INPP4B: variants seen among roughly 807,000 people sequenced by gnomAD.
INPP4B encodes inositol polyphosphate 4-phosphatase type II.
In INPP4B, 55 loss-of-function variants were observed where a neutral mutation model predicts 122.5. The ratio of observed to expected loss-of-function variants is 0.45; its 90% CI spans 0.36 to 0.56. The LOEUF is 0.56. Among genes scored for constraint, INPP4B ranks in the 20% least tolerant of loss-of-function variants. The pLI is 0.00. For synonymous variants in INPP4B, 403 were observed against 388.7 expected, an observed-to-expected ratio of 1.04 and a Z score of -0.43; for missense variants, 1,000 against 1,097.7, an observed-to-expected ratio of 0.91 and a Z score of 1.26.
At chr4:142,481,848 G>A (rs1473124838) in intron 2 of INPP4B, among the ~76,000 whole-genome samples, 3 of 152,092 alleles carry the variant, frequency 2.0e-5, no homozygotes, top group Non-Finnish European at 2.9e-5. Flanking sequence ...ATTTCCCACC[G>A]AAATGTACCT....
At chr4:142,209,531 G>T (rs1057104399) in intron 12 of INPP4B, among the ~76,000 whole-genome samples, 12 of 151,730 alleles carry the variant, frequency 7.9e-5, no homozygotes, top group Non-Finnish European at 2.9e-5. Flanking sequence ...GGTGGCTCAC[G>T]CCTGTAATCC....
chr4:142,614,149 G>A (rs1167261684), intron 2 of INPP4B, among the ~76,000 whole-genome samples: 1 of 152,108 alleles, frequency 6.6e-6, no homozygotes, highest in Non-Finnish European at 1.5e-5. Context: ...CTTGAGGCTG[G>A]GAGGTGGAGT....
chr4:142,744,919 A>C (rs902017178), intron 1 of INPP4B, among the ~76,000 whole-genome samples: 1 of 151,780 alleles, frequency 6.6e-6, no homozygotes, highest in Non-Finnish European at 1.5e-5. Context: ...TCGTTTCACA[A>C]GGTAGAGTTT....
chr4:142,300,628 C>T (rs1760996376), intron 9 of INPP4B, among the ~76,000 whole-genome samples: 1 of 152,064 alleles, frequency 6.6e-6, no homozygotes. Flanking sequence ...TCCACATAAT[C>T]TATAATACAT....
At position 142,028,081 on chromosome 4, in the gene INPP4B, A is replaced by G. The variant is rs1303776349; in HGVS notation, c.*701T>C. 1 of 225,824 alleles carries G rather than the reference A, an allele frequency of 4.4e-6. No homozygotes were observed. The highest frequency in any genetic ancestry group is 8.8e-6 in the Non-Finnish European group (1 of 113,474). 14.0% of individuals were successfully genotyped at this position (225,824 alleles called of 1,614,324 possible). On this transcript the variant is annotated 3_prime_UTR_variant, in exon 26 of 26. Coordinates refer to ENST00000262992, the MANE Select transcript of INPP4B (RefSeq NM_001101669.3). ...TGCTTATCATTCTATTAAACGTTCT[A>G]TATTGCTACATTCACAGCTAGATCA...
At chr4:142,164,350 G>C (rs1821640947) in intron 16 of INPP4B, among the ~76,000 whole-genome samples, 1 of 151,720 alleles carries the variant, frequency 6.6e-6, no homozygotes, top group South Asian at 2.1e-4. Flanking sequence ...AACATTTAAG[G>C]CAATGCCTAA....
intron 7 of INPP4B, among the ~76,000 whole-genome samples, chr4:142,363,547 C>T (rs1236100705): frequency 6.6e-6 from 1 of 151,810 alleles, no homozygotes; most frequent in African/African-American, 2.4e-5. Context: ...TGTTATTTTG[C>T]TGCACATTTT....
At chr4:142,843,662 T>G (rs1783832503) in intron 1 of INPP4B, among the ~76,000 whole-genome samples, 1 of 151,056 alleles carries the variant, frequency 6.6e-6, no homozygotes, top group Admixed American at 6.6e-5. Flanking sequence ...AGATATTCAG[T>G]AAGCATTTTA....
intron 2 of INPP4B, among the ~76,000 whole-genome samples, chr4:142,718,483 A>G (rs1186392986): frequency 6.6e-6 from 1 of 152,208 alleles, no homozygotes; most frequent in Non-Finnish European, 1.5e-5. Context: ...TATGGGAAGC[A>G]TAGGCTGGAC....
At chr4:142,682,011 C>G (rs577685991) in intron 2 of INPP4B, among the ~76,000 whole-genome samples, 5 of 151,882 alleles carry the variant, frequency 3.3e-5, no homozygotes, top group African/African-American at 7.2e-5. Flanking sequence ...TTAATGTACA[C>G]CTTTGGGATG....
rs116100963 is a variant in INPP4B at position 142,221,776 on chromosome 4, T to C, written c.837-12750A>G. ...ACATGTAGCTGTTCGGTACTTACAA[T>C]GTAAGCAGGTGACTGAGAAACTAAA... On this transcript the variant is annotated intron_variant, in intron 12 of 25. Transcript: ENST00000262992. Among the ~76,000 whole-genome samples, 741 of 152,294 alleles carry C rather than the reference T, an allele frequency of 4.9e-3. 10 individuals carry two copies. The highest frequency in any genetic ancestry group is 0.017 in the African/African-American group (707 of 41,548).
intron 19 of INPP4B, among the ~76,000 whole-genome samples, chr4:142,124,046 G>A (rs1484599288): frequency 6.6e-6 from 1 of 152,132 alleles, no homozygotes; most frequent in Non-Finnish European, 1.5e-5. Flanking sequence ...ATGGAGGCAG[G>A]CCTTGGCATT....
At chr4:142,596,405 C>T (rs1228216421) in intron 2 of INPP4B, among the ~76,000 whole-genome samples, 3 of 152,096 alleles carry the variant, frequency 2.0e-5, no homozygotes, top group Non-Finnish European at 4.4e-5. Flanking sequence ...TATGAAGAAG[C>T]TCAGAATGAA....
At position 142,591,732 on chromosome 4, in the gene INPP4B, C is replaced by T. The variant is rs138650877; in HGVS notation, c.-190-129006G>A. Among the ~76,000 whole-genome samples the T allele has an allele frequency of 3.6e-3, 552 of 152,184 alleles. 7 individuals are homozygous for T. The highest frequency in any genetic ancestry group is 0.018 in the East Asian group (95 of 5,166). On this transcript the variant is annotated intron_variant, in intron 2 of 25. Coordinates refer to ENST00000262992, the MANE Select transcript of INPP4B (RefSeq NM_001101669.3). ...AAGTAATGTTGATAATATGTGCCCT[C>T]GATATGATGTTGATGAGAATTGTCC...
At chr4:142,129,051 A>G (rs1799999936) in intron 18 of INPP4B, among the ~76,000 whole-genome samples, 1 of 152,256 alleles carries the variant, frequency 6.6e-6, no homozygotes, top group Non-Finnish European at 1.5e-5. Flanking sequence ...AAGGAAAAGT[A>G]AAAAGATTGC....
intron 2 of INPP4B, among the ~76,000 whole-genome samples, chr4:142,684,213 G>A (rs984889575): frequency 9.9e-5 from 15 of 152,018 alleles, no homozygotes; most frequent in African/African-American, 3.6e-4. Flanking sequence ...AGGTTGCCCA[G>A]TATTTAGGTT....
At chr4:142,829,809 G>T (rs1446658155) in intron 1 of INPP4B, among the ~76,000 whole-genome samples, 1 of 152,128 alleles carries the variant, frequency 6.6e-6, no homozygotes, top group Non-Finnish European at 1.5e-5. Context: ...TACAACAAAT[G>T]TTCTACTTAG....
At chr4:142,616,163 A>G (rs186352265) in intron 2 of INPP4B, among the ~76,000 whole-genome samples, 25 of 152,300 alleles carry the variant, frequency 1.6e-4, no homozygotes, top group African/African-American at 2.6e-4. Context: ...CCCTCACCCA[A>G]TGAAATCTCT....
Position 142,112,626 on chromosome 4 carries a change from A to G in INPP4B, c.2192T>C (p.Leu731Pro). Residue 731 changes from leucine (L) to proline (P), a missense_variant, in exon 22 of 26, where the codon CTA becomes CCA. Leu to Pro is a moderately conservative substitution (Grantham distance 98). Coordinates refer to ENST00000262992, the MANE Select transcript of INPP4B (RefSeq NM_001101669.3). ...LPARMFESLP[L>P]QIKEGQLLHV... is the part of the protein sequence containing the mutation. ...AAGCAACTGTCCTTCTTTAATCTGT[A>G]GAGGTAGTGACTCAAACATTCTGGC... The G allele has an allele frequency of 6.2e-7, 1 of 1,613,182 alleles. No individual in the cohort carries two copies. Among genetic ancestry groups the G allele is most frequent in the Non-Finnish European group, 8.5e-7 (1 of 1,179,402 alleles).
Sources: gnomAD v4.1 joint callset for allele counts (sites outside exome capture counted in the v4.1 genomes callset) on GRCh38, gnomAD v4.1.1 for gene constraint, MANE v1.5 for transcripts, NCBI Gene and HGNC (gene_info 2026-07-23, HGNC 2026-07-21) for gene names.